Variants in UBE2H observed in about 807,000 individuals in gnomAD.
UBE2H encodes ubiquitin conjugating enzyme E2 H.
UBE2H carries 3 observed loss-of-function variants against 29.0 expected under a neutral mutation model. The ratio of observed to expected loss-of-function variants is 0.10; its 90% CI spans 0.05 to 0.27. UBE2H has a LOEUF of 0.27. Among genes scored for constraint, UBE2H ranks in the 10% least tolerant of loss-of-function variants. The probability of loss-of-function intolerance (pLI) is 1.00; values close to 1 mark genes in which losing one functional copy is unlikely to be tolerated. For missense variants in UBE2H, 68 were observed against 228.2 expected, an observed-to-expected ratio of 0.30 and a Z score of 4.52; for synonymous variants, 69 against 82.9, an observed-to-expected ratio of 0.83 and a Z score of 0.91.
intron 1 of UBE2H, among the ~76,000 whole-genome samples, chr7:129,946,543 A>C (rs1367563934): frequency 2.0e-5 from 3 of 152,238 alleles, no homozygotes; most frequent in Non-Finnish European, 2.9e-5. Context: ...CTGGACCAGA[A>C]GCATCATCTG....
In UBE2H at chr7:129,952,573, T is replaced by G; in HGVS notation, c.-18A>C. 1 of 1,607,254 alleles carries G rather than the reference T, an allele frequency of 6.2e-7. No homozygotes were observed. Among genetic ancestry groups the G allele is most frequent in the Non-Finnish European group, 8.5e-7 (1 of 1,177,324 alleles). On this transcript the variant is annotated 5_prime_UTR_variant, in exon 1 of 7. Transcript: ENST00000355621. ...GATGACATGGTGTCGCCGCCGCCTC[T>G]CTCCCTTCCTCGGCCCGTCTGTCAC...
chr7:129,869,010 C>T, intron 3 of UBE2H, among the ~76,000 whole-genome samples: 1 of 150,574 alleles, frequency 6.6e-6, no homozygotes, highest in East Asian at 2.0e-4. Context: ...GATCTCGGCT[C>T]ACTGCAACTT....
intron 3 of UBE2H, among the ~76,000 whole-genome samples, chr7:129,865,287 C>T (rs994389791): frequency 2.8e-4 from 42 of 152,112 alleles, no homozygotes; most frequent in African/African-American, 8.9e-4. Context: ...TTTATTTCAG[C>T]CTCTGTGTCC....
At chr7:129,901,456 GC>G in intron 1 of UBE2H, among the ~76,000 whole-genome samples, 1 of 152,294 alleles carries the variant, frequency 6.6e-6, no homozygotes, top group East Asian at 1.9e-4. Context: ...GTCGGTGGGG[GC>G]TAATGCACAG....
intron 1 of UBE2H, among the ~76,000 whole-genome samples, chr7:129,922,290 T>C (rs999320978): frequency 3.4e-5 from 5 of 149,154 alleles, no homozygotes; most frequent in Non-Finnish European, 7.4e-5. Flanking sequence ...GCCTGGCCTT[T>C]TAATTTTTAT....
chr7:129,932,500 A>C (rs1465550344), intron 1 of UBE2H, among the ~76,000 whole-genome samples: 1 of 152,064 alleles, frequency 6.6e-6, no homozygotes, highest in South Asian at 2.1e-4. Context: ...AACAGTTTTC[A>C]CTGACTTACA....
intron 1 of UBE2H, among the ~76,000 whole-genome samples, chr7:129,936,707 A>G (rs1291992425): frequency 6.6e-6 from 1 of 151,502 alleles, no homozygotes; most frequent in Non-Finnish European, 1.5e-5. Context: ...CTGTAATCCT[A>G]GCACTTTGGG....
chr7:129,862,177 T>C (rs1453434024), intron 3 of UBE2H, among the ~76,000 whole-genome samples: 2 of 152,156 alleles, frequency 1.3e-5, no homozygotes, highest in Non-Finnish European at 2.9e-5. Context: ...GCTGAGCCAC[T>C]ATGTGGTTTA....
chr7:129,885,747 T>G (rs1237547449), intron 1 of UBE2H, among the ~76,000 whole-genome samples: 1 of 152,242 alleles, frequency 6.6e-6, no homozygotes, highest in Non-Finnish European at 1.5e-5. Context: ...ATGCTAACTT[T>G]ATGCTGCCTT....
chr7:129,921,233 A>G (rs1201030586), intron 1 of UBE2H, among the ~76,000 whole-genome samples: 3 of 152,066 alleles, frequency 2.0e-5, no homozygotes, highest in Admixed American at 2.0e-4. Context: ...TCATCATTCT[A>G]TATTTTCTAA....
intron 1 of UBE2H, among the ~76,000 whole-genome samples, chr7:129,886,993 G>T (rs1218815310): frequency 6.6e-6 from 1 of 152,048 alleles, no homozygotes. Flanking sequence ...CAACGTTAAT[G>T]ATTGAATCCT....
chr7:129,879,625 C>T lies in UBE2H; in HGVS notation c.148G>A (p.Val50Ile). The stretch of plus-strand genomic sequence containing the variant: ...GGTAGGTCCACTCTAACTTTCCATA[C>T]TCCGCCTTCATATGGTGCTGAAATA... ...GPQGTPYEGGVWKVRVDLPDK... is the reference protein window; with the variant it reads ...GPQGTPYEGGIWKVRVDLPDK... Residue 50 changes from valine (V) to isoleucine (I), a missense_variant, in exon 3 of 7, where the codon GTA (valine) becomes ATA (isoleucine). Physicochemically the swap from Val to Ile is conservative, Grantham distance 29. This residue lies in a region of UBE2H where 40 missense variants were observed against 174.1 expected (regional missense o/e 0.23). Coordinates refer to ENST00000355621, the MANE Select transcript of UBE2H (RefSeq NM_003344.4). 1 of 1,613,134 alleles carries T rather than the reference C, an allele frequency of 6.2e-7. No homozygotes were observed. Among genetic ancestry groups the T allele is most frequent in the South Asian group, 1.1e-5 (1 of 90,884 alleles).
intron 5 of UBE2H, among the ~76,000 whole-genome samples, chr7:129,842,959 T>TA (rs968052545): frequency 1.2e-4 from 18 of 150,558 alleles, no homozygotes; most frequent in Non-Finnish European, 2.5e-4. Flanking sequence ...TGTGATCCCA[T>TA]AGCAGGGAAA....
chr7:129,847,675 GA>G (rs1805536713), intron 5 of UBE2H, among the ~76,000 whole-genome samples: 2 of 152,196 alleles, frequency 1.3e-5, no homozygotes, highest in Non-Finnish European at 2.9e-5. Context: ...AAGAAAGAAA[GA>G]AAAATAAGAA....
chr7:129,865,890 ATC>A (rs1348917169), intron 3 of UBE2H, among the ~76,000 whole-genome samples: 1 of 152,176 alleles, frequency 6.6e-6, no homozygotes, highest in African/African-American at 2.4e-5. Context: ...AATAACTTGG[ATC>A]TCTGTTCCTA....
intron 1 of UBE2H, among the ~76,000 whole-genome samples, chr7:129,901,228 T>C (rs988925538): frequency 6.6e-6 from 1 of 152,220 alleles, no homozygotes; most frequent in African/African-American, 2.4e-5. Context: ...CTAGCAAATG[T>C]ACCTTTCTCA....
chr7:129,905,719 T>C (rs1806802308), intron 1 of UBE2H, among the ~76,000 whole-genome samples: 1 of 152,202 alleles, frequency 6.6e-6, no homozygotes, highest in South Asian at 2.1e-4. Flanking sequence ...TGTTTCTGGC[T>C]TGAGTTATCT....
At position 129,952,724 on chromosome 7, in the gene UBE2H, G is replaced by T; in HGVS notation, c.-169C>A. The T allele has an allele frequency of 1.5e-6, 1 of 656,168 alleles. No homozygotes were observed. The highest frequency in any genetic ancestry group is 3.7e-5 in the East Asian group (1 of 26,916). The allele number at this position is 656,168 out of a possible 1,614,324, so 40.6% of individuals were successfully genotyped here. A position where few individuals can be genotyped will look rare whatever the true frequency, so the allele number is the denominator to read the frequency against. ...CCGCCCCCCGCACGGGGGAACACCG[G>T]GCACTGTCCGGCCGGGTGGGGGTGG... On this transcript the variant is annotated 5_prime_UTR_variant, in exon 1 of 7. Coordinates refer to ENST00000355621, the MANE Select transcript of UBE2H (RefSeq NM_003344.4).
intron 1 of UBE2H, among the ~76,000 whole-genome samples, chr7:129,940,357 A>G (rs78825945): frequency 1.1e-3 from 163 of 152,354 alleles, no homozygotes; most frequent in African/African-American, 3.5e-3. Context: ...CAAAGATTAC[A>G]TTCTCAATTA....
Sources: allele counts gnomAD v4.1 joint callset (sites outside exome capture counted in the v4.1 genomes callset), GRCh38; gene constraint gnomAD v4.1.1; regional missense constraint gnomAD v4.1.1; transcripts MANE v1.5; gene names NCBI Gene and HGNC (gene_info 2026-07-23, HGNC 2026-07-21).